DNM3: variants seen among roughly 807,000 people sequenced by gnomAD.
DNM3 encodes the protein dynamin-3.
Under a neutral mutation model 101.6 loss-of-function variants are expected in DNM3, and 47 were observed. The observed-to-expected ratio is 0.46, with a 90% CI of 0.37 to 0.59. The LOEUF (loss-of-function observed/expected upper bound fraction) is 0.59, where lower values mean the gene tolerates loss of function less well. Ranked by LOEUF, DNM3 falls within the 20% of genes least tolerant of loss-of-function variation. The pLI, the probability that DNM3 is intolerant of heterozygous loss-of-function variation, is 0.00. For missense variants in DNM3, 849 were observed against 1,085.7 expected, an observed-to-expected ratio of 0.78 and a Z score of 3.06; for synonymous variants, 385 against 387.9, an observed-to-expected ratio of 0.99 and a Z score of 0.09.
At chr1:172,369,496 A>G (rs2068208141) in intron 17 of DNM3, among the ~76,000 whole-genome samples, 1 of 151,964 alleles carries the variant, frequency 6.6e-6, no homozygotes, top group African/African-American at 2.4e-5. Context: ...TATATGACAA[A>G]ACCACAGCTA....
At chr1:172,043,450 G>T (rs2049540599) in intron 8 of DNM3, among the ~76,000 whole-genome samples, 1 of 152,096 alleles carries the variant, frequency 6.6e-6, no homozygotes, top group African/African-American at 2.4e-5. Flanking sequence ...GAGGCAAATG[G>T]GTAAATAGAT....
At chr1:172,400,239 G>T (rs2070366916) in intron 20 of DNM3, among the ~76,000 whole-genome samples, 1 of 152,084 alleles carries the variant, frequency 6.6e-6, no homozygotes, top group Non-Finnish European at 1.5e-5. Context: ...TCCCCTAAAT[G>T]GTGGCAGTTG....
intron 10 of DNM3, among the ~76,000 whole-genome samples, chr1:172,058,714 A>G (rs1307055450): frequency 6.6e-6 from 1 of 151,864 alleles, no homozygotes; most frequent in Non-Finnish European, 1.5e-5. Context: ...AGGGAAATTT[A>G]TAGCACTAAA....
chr1:172,240,632 G>A (rs1394327386), intron 14 of DNM3, among the ~76,000 whole-genome samples: 5 of 152,142 alleles, frequency 3.3e-5, no homozygotes, highest in African/African-American at 9.7e-5. Context: ...TGATTAATGT[G>A]CACTCAAAAG....
At chr1:172,276,019 T>G (rs1284329239) in intron 15 of DNM3, among the ~76,000 whole-genome samples, 1 of 152,106 alleles carries the variant, frequency 6.6e-6, no homozygotes, top group Non-Finnish European at 1.5e-5. Flanking sequence ...TCTTAAGATT[T>G]TATGTATTAC....
rs182261438 is a variant in DNM3, at chr1:171,988,933, C to G, written c.386-12C>G. On this transcript the variant is annotated splice_polypyrimidine_tract_variant and intron_variant, in intron 3 of 20. Transcript: ENST00000627582. ...AAGGTGTATGTAAGACTCCTTTATCCTTTCCACACAGTGTTAAATCTAACC... is the reference window on the plus strand; with the variant it reads ...AAGGTGTATGTAAGACTCCTTTATCGTTTCCACACAGTGTTAAATCTAACC... 8.3e-6 allele frequency: 13 copies of G among 1,569,948 alleles called. No individual in the cohort carries two copies. The highest frequency in any genetic ancestry group is 7.5e-5 in the Admixed American group (4 of 53,370).
intron 2 of DNM3, among the ~76,000 whole-genome samples, chr1:171,967,710 A>G (rs10465517): frequency 0.039 from 5,942 of 152,270 alleles, 368 homozygotes; most frequent in African/African-American, 0.13. Flanking sequence ...TCTGAGTGCA[A>G]TTCCAAGAAA....
At chr1:171,940,097 C>T (rs746272064) in intron 2 of DNM3, among the ~76,000 whole-genome samples, 1 of 152,136 alleles carries the variant, frequency 6.6e-6, no homozygotes, top group African/African-American at 2.4e-5. Context: ...GGTGTCTGAA[C>T]AGCTAAGAAC....
chr1:172,089,199 G>C (rs1022882583), intron 12 of DNM3, among the ~76,000 whole-genome samples: 1 of 152,100 alleles, frequency 6.6e-6, no homozygotes, highest in Non-Finnish European at 1.5e-5. Flanking sequence ...TTTTTTATTT[G>C]TTATTTTTGT....
chr1:171,878,107 A>G (rs1205186979), intron 1 of DNM3, among the ~76,000 whole-genome samples: 1 of 137,924 alleles, frequency 7.3e-6, no homozygotes, highest in African/African-American at 2.7e-5. Context: ...ATTTAAAAAT[A>G]TAACACATGA....
intron 1 of DNM3, among the ~76,000 whole-genome samples, chr1:171,908,988 C>A (rs749227599): frequency 6.6e-6 from 1 of 151,966 alleles, no homozygotes; most frequent in Non-Finnish European, 1.5e-5. Context: ...TCCCTTTTTT[C>A]CTTCCTTTTA....
chr1:171,934,518 G>C lies in DNM3; in HGVS notation c.235+12697G>C, dbSNP rs146650133. On this transcript the variant is annotated intron_variant, in intron 2 of 20. Coordinates refer to ENST00000627582, the MANE Select transcript of DNM3 (RefSeq NM_015569.5). ...GCTTCTCTTTTACTTTCTTCTATTA[G>C]CTTTTGCAATTCTTAAAAGCCCAGG... Among the ~76,000 whole-genome samples the C allele has an allele frequency of 7.6e-3, 1,163 of 152,228 alleles. 15 individuals carry two copies. The highest frequency in any genetic ancestry group is 0.026 in the African/African-American group (1,094 of 41,542).
chr1:172,308,953 G>T, intron 16 of DNM3, 114 bp downstream of exon 16: 4 of 520,152 alleles, frequency 7.7e-6, no homozygotes, highest in East Asian at 3.4e-5. Context: ...TAATTAATTA[G>T]TTACACTTTT....
At chr1:172,328,367 G>A (rs910921881) in intron 17 of DNM3, among the ~76,000 whole-genome samples, 10 of 152,036 alleles carry the variant, frequency 6.6e-5, no homozygotes, top group Admixed American at 3.3e-4. Flanking sequence ...AACAAGAGTC[G>A]TTCATGCCTG....
chr1:172,114,224 C>G (rs571154611), intron 13 of DNM3, among the ~76,000 whole-genome samples: 1 of 152,266 alleles, frequency 6.6e-6, no homozygotes, highest in East Asian at 1.9e-4. Context: ...TTCTGCATGA[C>G]AAGTCGTGGC....
In DNM3 at chr1:172,068,900, G is replaced by A; in HGVS notation, c.1417G>A (p.Asp473Asn). 6.4e-7 allele frequency: 1 copy of A among 1,559,896 alleles called. No individual in the cohort carries two copies. Among genetic ancestry groups the A allele is most frequent in the Non-Finnish European group, 8.7e-7 (1 of 1,151,400 alleles). Reference sequence around the variant, plus strand: ...TCGTGAGCGAGAAGGGAAGACAAAGGACCAGGTAAAGAGAGGTCTTCCCTG... The same window carrying A: ...TCGTGAGCGAGAAGGGAAGACAAAGAACCAGGTAAAGAGAGGTCTTCCCTG... ...HIREREGKTKDQVLLLIDIQV... is the reference protein window; with the variant it reads ...HIREREGKTKNQVLLLIDIQV... The change falls in exon 11 of 21, where the codon GAC (aspartate) becomes AAC (asparagine). Residue 473 changes from aspartate to asparagine, a missense_variant. Asp to Asn is a conservative substitution (Grantham distance 23). Coordinates refer to ENST00000627582, the MANE Select transcript of DNM3 (RefSeq NM_015569.5).
intron 1 of DNM3, among the ~76,000 whole-genome samples, chr1:171,884,121 C>T (rs1346997466): frequency 6.6e-6 from 1 of 152,108 alleles, no homozygotes; most frequent in Non-Finnish European, 1.5e-5. Flanking sequence ...CTTCTAGGGC[C>T]CTGAGAGAAA....
intron 20 of DNM3, among the ~76,000 whole-genome samples, chr1:172,390,358 G>A (rs1445592431): frequency 1.3e-5 from 2 of 152,232 alleles, no homozygotes; most frequent in Non-Finnish European, 2.9e-5. Context: ...AGGCTGCTCA[G>A]CCAGTCCCTA....
chr1:172,027,617 C>CACAGAGAG (rs34981346), intron 4 of DNM3, among the ~76,000 whole-genome samples: 13 of 147,128 alleles, frequency 8.8e-5, no homozygotes, highest in African/African-American at 2.6e-4. Flanking sequence ...CACACACACA[C>CACAGAGAG]AGAGAGAGAG....
Sources: allele counts gnomAD v4.1 joint callset (sites outside exome capture counted in the v4.1 genomes callset), GRCh38; gene constraint gnomAD v4.1.1; transcripts MANE v1.5; gene names NCBI Gene and HGNC (gene_info 2026-07-23, HGNC 2026-07-21).